PLAUR: variants seen among roughly 807,000 people sequenced by gnomAD.
PLAUR encodes plasminogen activator, urokinase receptor.
A neutral mutation model predicts 33.4 loss-of-function variants in PLAUR; 22 were observed. The observed-to-expected ratio is 0.66, with a 90% CI of 0.47 to 0.94. The LOEUF is 0.94. PLAUR is among the 40% of genes least tolerant of loss of function. The pLI, the probability that PLAUR is intolerant of heterozygous loss-of-function variation, is 0.00. For synonymous variants in PLAUR, 148 were observed against 167.3 expected, an observed-to-expected ratio of 0.88 and a Z score of 0.89; for missense variants, 408 against 434.7, an observed-to-expected ratio of 0.94 and a Z score of 0.55.
intron 3 of PLAUR, 159 bp from the exon 4 acceptor site, chr19:43,656,799 C>T (rs1974233722): frequency 1.7e-6 from 1 of 598,988 alleles, no homozygotes; most frequent in Admixed American, 3.4e-5. Flanking sequence ...AGAATCCACC[C>T]CCTCCTTTCC....
rs139419602 is a variant in PLAUR at position 43,658,052 on chromosome 19, A to G, written c.311-1412T>C. On this transcript the variant is annotated intron_variant, in intron 3 of 6. Coordinates refer to ENST00000340093, the MANE Select transcript of PLAUR (RefSeq NM_002659.4). The stretch of plus-strand genomic sequence containing the variant: ...ACTCTGTCTTTAAATTAAAAAAAAA[A>G]AAGAAGAAGAAAAGAATAAGGATGC... Among the ~76,000 whole-genome samples, 118 of 152,198 alleles carry G rather than the reference A, an allele frequency of 7.8e-4. 1 individual carries two copies. The highest frequency in any genetic ancestry group is 3.4e-3 in the Middle Eastern group (1 of 294).
At chr19:43,666,487 TCCTC>T (rs765225904) in intron 2 of PLAUR, among the ~76,000 whole-genome samples, 17 of 143,518 alleles carry the variant, frequency 1.2e-4, no homozygotes, top group African/African-American at 2.3e-4. Context: ...CCTTCCTCCC[TCCTC>T]CCTCCCTCCC....
intron 5 of PLAUR, among the ~76,000 whole-genome samples, chr19:43,653,342 G>A (rs1428687998): frequency 3.3e-5 from 5 of 152,212 alleles, no homozygotes; most frequent in Non-Finnish European, 7.3e-5. Flanking sequence ...TTACACTGGA[G>A]GGGAGGGACA....
chr19:43,668,572 C>T (rs1715517809), intron 1 of PLAUR, among the ~76,000 whole-genome samples: 2 of 151,550 alleles, frequency 1.3e-5, no homozygotes, highest in Non-Finnish European at 2.9e-5. Context: ...TTCAGCCCCA[C>T]CCTGTAGCTC....
rs751627526 is a variant in PLAUR at position 43,670,168 on chromosome 19, C to T, written c.-48G>A. 6.0e-5 allele frequency: 95 copies of T among 1,586,386 alleles called. No individual in the cohort carries two copies. The Admixed American group carries it at 1.6e-3, about 26-fold the overall frequency. Reference sequence around the variant, plus strand: ...GCGGGGTCCCTGCACGTCTTCTCTCCTTCTGGCCTCAGGAAGGAGGCAGTT... The same window carrying T: ...GCGGGGTCCCTGCACGTCTTCTCTCTTTCTGGCCTCAGGAAGGAGGCAGTT... On this transcript the variant is annotated 5_prime_UTR_variant, in exon 1 of 7. Transcript: ENST00000340093.
rs770987888 is a variant in PLAUR, at chr19:43,648,860, C to A, written c.*30G>T. The A allele has an allele frequency of 6.3e-7, 1 of 1,596,138 alleles. No individual in the cohort carries two copies. Among genetic ancestry groups the A allele is most frequent in the Admixed American group, 1.7e-5 (1 of 59,480 alleles). On this transcript the variant is annotated 3_prime_UTR_variant, in exon 7 of 7. Transcript: ENST00000340093. The stretch of plus-strand genomic sequence containing the variant: ...GGAAGGGCAAAGGGGTCCCCCGGAT[C>A]CAGCCAGGGCAGAGAGGGGGATTTC...
intron 6 of PLAUR, 34 bp from the exon 7 acceptor site, chr19:43,649,177 C>A (rs755950972): frequency 1.3e-6 from 2 of 1,593,182 alleles, no homozygotes; most frequent in African/African-American, 2.7e-5. Flanking sequence ...AGACTTCCAG[C>A]TCCTGGGCCC....
At chr19:43,668,116 A>C (rs1387149734) in intron 1 of PLAUR, 2 of 1,007,310 alleles carry the variant, frequency 2.0e-6, no homozygotes, top group Non-Finnish European at 2.4e-6. Context: ...ACCCGCGTCG[A>C]TCTTTATGTT....
chr19:43,649,490 T>C (rs1417370810), intron 6 of PLAUR, among the ~76,000 whole-genome samples: 1 of 148,510 alleles, frequency 6.7e-6, no homozygotes, highest in East Asian at 2.0e-4. Context: ...TGGTGAGTTA[T>C]GATCACGCCA....
In PLAUR at chr19:43,670,097, C is replaced by T. The variant is rs62639324; in HGVS notation, c.24G>A (p.Pro8=). ...CGCAGGTGTGGAGCAGCAGCAGCAG[C>T]GGCAGCAGCGGCGGGTGACCCATGT... MGHPPLL[P]LLLLLHTCVP... Residue 8 remains proline, a synonymous_variant, in exon 1 of 7, where the codon CCG becomes CCA. Coordinates refer to ENST00000340093, the MANE Select transcript of PLAUR (RefSeq NM_002659.4). 13,297 of 1,612,698 alleles carry T rather than the reference C, an allele frequency of 8.2e-3. 70 individuals are homozygous for T. The highest frequency in any genetic ancestry group is 9.8e-3 in the Non-Finnish European group (11,602 of 1,179,522).
At chr19:43,655,097 G>GA (rs1483152470) in intron 5 of PLAUR, among the ~76,000 whole-genome samples, 1 of 148,732 alleles carries the variant, frequency 6.7e-6, no homozygotes, top group Non-Finnish European at 1.5e-5. Flanking sequence ...CCAACATGGT[G>GA]AAACCCCCAT....
At chr19:43,665,075 T>A in intron 3 of PLAUR, 1 of 562,320 alleles carries the variant, frequency 1.8e-6, no homozygotes, top group Non-Finnish European at 3.2e-6. Flanking sequence ...TTGGGAACAG[T>A]GTTAGGGTAA....
At chr19:43,657,183 A>G (rs1974250056) in intron 3 of PLAUR, among the ~76,000 whole-genome samples, 1 of 152,094 alleles carries the variant, frequency 6.6e-6, no homozygotes, top group Admixed American at 6.6e-5. Context: ...ACCTCAAGTG[A>G]TCTACATGCC....
At chr19:43,667,759 G>T in intron 1 of PLAUR, 68 bp from the exon 2 acceptor site, 6 of 1,569,766 alleles carry the variant, frequency 3.8e-6, no homozygotes, top group Non-Finnish European at 5.2e-6. Context: ...GCTCACCCCT[G>T]CATGTCCCAA....
chr19:43,667,651 C>T lies in PLAUR; in HGVS notation c.96G>A (p.Gly32=), dbSNP rs773014615. The T allele has an allele frequency of 5.0e-6, 8 of 1,613,928 alleles. No individual in the cohort carries two copies. Among genetic ancestry groups the T allele is most frequent in the Admixed American group, 3.3e-5 (2 of 59,996 alleles). The change falls in exon 2 of 7, where the codon GGG becomes GGA. Residue 32 remains glycine (G), a synonymous_variant. Coordinates refer to ENST00000340093, the MANE Select transcript of PLAUR (RefSeq NM_002659.4). ...GGGCGCACTCTTCCACACGGCAATC[C>T]CCGTTGGTCTTACACTGCATGCACC... The part of the protein sequence containing the change: ...GLRCMQCKTN[G]DCRVEECALG...
intron 6 of PLAUR, among the ~76,000 whole-genome samples, chr19:43,650,328 CTTTG>C (rs1465229116): frequency 2.1e-5 from 3 of 144,274 alleles, no homozygotes; most frequent in Admixed American, 7.0e-5. Context: ...TTTGTTGTTT[CTTTG>C]TTTGTTTTTT....
At chr19:43,662,314 G>A (rs919313094) in intron 3 of PLAUR, among the ~76,000 whole-genome samples, 1 of 151,994 alleles carries the variant, frequency 6.6e-6, no homozygotes, top group South Asian at 2.1e-4. Context: ...TGGCCAACAT[G>A]GTGAAACCCC....
intron 5 of PLAUR, among the ~76,000 whole-genome samples, chr19:43,652,982 T>TA (rs1974059159): frequency 6.6e-6 from 1 of 152,082 alleles, no homozygotes; most frequent in African/African-American, 2.4e-5. Flanking sequence ...TTATTATTAC[T>TA]AAAAAATTTT....
intron 4 of PLAUR, 135 bp from the exon 5 acceptor site, chr19:43,655,708 A>T: frequency 1.3e-6 from 1 of 777,682 alleles, no homozygotes; most frequent in Non-Finnish European, 2.0e-6. Flanking sequence ...TATCTAGAAC[A>T]GTCATAGATC....
Sources: gnomAD v4.1 joint callset for allele counts (sites outside exome capture counted in the v4.1 genomes callset) on GRCh38, gnomAD v4.1.1 for gene constraint, MANE v1.5 for transcripts, NCBI Gene and HGNC (gene_info 2026-07-23, HGNC 2026-07-21) for gene names.